Variants in PAIP2B observed in about 807,000 individuals in gnomAD.
PAIP2B encodes the protein poly(A) binding protein interacting protein 2B.
PAIP2B carries 13 observed loss-of-function variants against 17.0 expected under a neutral mutation model. That is an observed-to-expected ratio of 0.76 (90% confidence interval 0.50 to 1.22). PAIP2B has a LOEUF of 1.22. PAIP2B is among the 50% of genes most tolerant of loss of function. The pLI is 0.00. For missense variants in PAIP2B, 117 were observed against 144.5 expected (o/e 0.81, Z 0.98); for synonymous variants, 43 against 48.7 (o/e 0.88, Z 0.48).
intron 1 of PAIP2B, among the ~76,000 whole-genome samples, chr2:71,214,033 G>A (rs34913732): frequency 0.092 from 14,014 of 152,064 alleles, 709 homozygotes; most frequent in Non-Finnish European, 0.12. Flanking sequence ...TTAGAGACAG[G>A]TCTCACTATG....
intron 1 of PAIP2B, 145 bp downstream of exon 1, chr2:71,226,783 C>T (rs1017064462): frequency 6.6e-6 from 1 of 152,310 alleles, no homozygotes; most frequent in Non-Finnish European, 1.5e-5. Context: ...CGCGCGCTTT[C>T]CCTCCCTACA....
intron 1 of PAIP2B, among the ~76,000 whole-genome samples, chr2:71,203,977 C>CA (rs953425473): frequency 2.0e-5 from 3 of 152,082 alleles, no homozygotes; most frequent in Admixed American, 2.0e-4. Context: ...AACAATTCCT[C>CA]AAAAATCATT....
intron 1 of PAIP2B, among the ~76,000 whole-genome samples, chr2:71,207,787 C>G (rs767568727): frequency 2.6e-5 from 4 of 152,072 alleles, no homozygotes; most frequent in Non-Finnish European, 5.9e-5. Context: ...GCACAAGCAA[C>G]TGGGTGGATT....
At chr2:71,189,677 G>A (rs1207248583) in intron 3 of PAIP2B, among the ~76,000 whole-genome samples, 168 bp downstream of exon 3, 2 of 152,160 alleles carry the variant, frequency 1.3e-5, no homozygotes, top group Non-Finnish European at 2.9e-5. Flanking sequence ...GAGGAGCAAT[G>A]CATCTTTAAT....
In PAIP2B at chr2:71,208,634, G is replaced by A. The variant is rs189678646; in HGVS notation, c.-11-6034C>T. Reference sequence around the variant, plus strand: ...GTCCTAATCCATGGAATCTGTGAAGGCTACCTTATTTGGAAAAAAGGGTGT... The same window carrying A: ...GTCCTAATCCATGGAATCTGTGAAGACTACCTTATTTGGAAAAAAGGGTGT... On this transcript the variant is annotated intron_variant, in intron 1 of 3. Coordinates refer to ENST00000244221, the MANE Select transcript of PAIP2B (RefSeq NM_020459.1). Among the ~76,000 whole-genome samples the A allele has an allele frequency of 1.9e-4, 29 of 152,234 alleles. No individual in the cohort carries two copies. In the East Asian group the frequency reaches 4.6e-3, roughly 24 times the overall value.
chr2:71,221,389 T>A (rs978448167), intron 1 of PAIP2B, among the ~76,000 whole-genome samples: 2 of 152,204 alleles, frequency 1.3e-5, no homozygotes, highest in African/African-American at 2.4e-5. Context: ...CTTAAAGATA[T>A]CAGCTTAAAT....
At position 71,218,978 on chromosome 2, in the gene PAIP2B, C is replaced by T. The variant is rs563464562; in HGVS notation, c.-12+7950G>A. On this transcript the variant is annotated intron_variant, in intron 1 of 3. Transcript: ENST00000244221. ...TCACCTAGGCTGGAGTGCAATGGCG[C>T]GATCTTGGCTCACTGCAAGCTCCGC... Among the ~76,000 whole-genome samples the T allele has an allele frequency of 5.2e-3, 778 of 148,488 alleles. 5 individuals carry two copies. The highest frequency in any genetic ancestry group is 0.018 in the African/African-American group (738 of 40,216).
Position 71,185,270 on chromosome 2 carries a change from C to A in PAIP2B, c.*3209G>T, listed in dbSNP as rs1172925792. On this transcript the variant is annotated 3_prime_UTR_variant, in exon 4 of 4. Transcript: ENST00000244221. ...ATTATAACCTTAATTAAAGAGACCC[C>A]AGGCTGGGGTGGCTCACCACACCCA... The A allele has an allele frequency of 2.6e-5, 4 of 152,030 alleles. No individual in the cohort carries two copies. Among genetic ancestry groups the A allele is most frequent in the Non-Finnish European group, 5.9e-5 (4 of 68,004 alleles). 9.4% of individuals were successfully genotyped at this position (152,030 alleles called of 1,614,324 possible).
chr2:71,201,938 G>T (rs1674995101), intron 2 of PAIP2B, among the ~76,000 whole-genome samples: 1 of 152,162 alleles, frequency 6.6e-6, no homozygotes, highest in South Asian at 2.1e-4. Flanking sequence ...TGGTACAAGG[G>T]TTTTATGTCA....
At chr2:71,219,752 ACTAT>A (rs1423317434) in intron 1 of PAIP2B, among the ~76,000 whole-genome samples, 2 of 152,156 alleles carry the variant, frequency 1.3e-5, no homozygotes, top group Non-Finnish European at 2.9e-5. Flanking sequence ...TTAAAATATA[ACTAT>A]CTATAAATGT....
Position 71,201,022 on chromosome 2 carries a change from T to G in PAIP2B, c.138+1430A>C, listed in dbSNP as rs1457979825. Among the ~76,000 whole-genome samples, 95 of 140,026 alleles carry G rather than the reference T, an allele frequency of 6.8e-4. No homozygotes were observed. In the South Asian group the frequency reaches 7.5e-3, roughly 11 times the overall value. 91.9% of individuals were successfully genotyped at this position (140,026 alleles called of 152,430 possible). ...TTGTGTGTGTGGGTGTGTGTGTGTG[T>G]GTGTGTGTGTGTGTGTGTGTGTGAA... On this transcript the variant is annotated intron_variant, in intron 2 of 3. Coordinates refer to ENST00000244221, the MANE Select transcript of PAIP2B (RefSeq NM_020459.1).
intron 1 of PAIP2B, among the ~76,000 whole-genome samples, chr2:71,217,128 C>A (rs931536473): frequency 2.0e-5 from 3 of 151,856 alleles, no homozygotes; most frequent in Non-Finnish European, 2.9e-5. Flanking sequence ...GAATTATTGG[C>A]TATATATATA....
intron 2 of PAIP2B, among the ~76,000 whole-genome samples, chr2:71,190,960 C>T (rs1572920272): frequency 1.3e-5 from 2 of 152,294 alleles, no homozygotes; most frequent in East Asian, 1.9e-4. Context: ...TATGAATATT[C>T]AAACAATTCT....
At chr2:71,206,899 A>G (rs1675142413) in intron 1 of PAIP2B, among the ~76,000 whole-genome samples, 1 of 152,368 alleles carries the variant, frequency 6.6e-6, no homozygotes, top group Non-Finnish European at 1.5e-5. Flanking sequence ...TTTAAAAAGT[A>G]AATATGGTGG....
intron 2 of PAIP2B, among the ~76,000 whole-genome samples, chr2:71,190,712 A>C (rs1674667679): frequency 6.6e-6 from 1 of 152,212 alleles, no homozygotes; most frequent in Admixed American, 6.5e-5. Flanking sequence ...AACCCTTCTT[A>C]AATTTCCCAT....
intron 1 of PAIP2B, among the ~76,000 whole-genome samples, chr2:71,211,728 CT>C (rs879787445): frequency 1.3e-5 from 2 of 151,972 alleles, no homozygotes; most frequent in Non-Finnish European, 2.9e-5. Flanking sequence ...CATTTTTAAC[CT>C]AGTAACTATT....
intron 1 of PAIP2B, among the ~76,000 whole-genome samples, chr2:71,208,121 T>C (rs550957697): frequency 6.6e-6 from 1 of 152,152 alleles, no homozygotes; most frequent in South Asian, 2.1e-4. Flanking sequence ...TGTGTGTGAA[T>C]ATTTTGAAAA....
intron 1 of PAIP2B, among the ~76,000 whole-genome samples, chr2:71,211,154 T>G (rs1298714831): frequency 6.6e-6 from 1 of 150,998 alleles, no homozygotes; most frequent in Non-Finnish European, 1.5e-5. Flanking sequence ...AGGTAGGGGG[T>G]GAAGCGAGGC....
chr2:71,194,150 G>A (rs181486668), intron 2 of PAIP2B, among the ~76,000 whole-genome samples: 4 of 152,288 alleles, frequency 2.6e-5, no homozygotes, highest in African/African-American at 9.6e-5. Context: ...GTCAGGTAAC[G>A]TGATGCCCTC....
Sources: gnomAD v4.1 joint callset for allele counts (sites outside exome capture counted in the v4.1 genomes callset) on GRCh38, gnomAD v4.1.1 for gene constraint, MANE v1.5 for transcripts, NCBI Gene and HGNC (gene_info 2026-07-23, HGNC 2026-07-21) for gene names.